ABI1: variants seen among roughly 807,000 people sequenced by gnomAD.
The protein encoded by ABI1 is Abelson interactor 1.
In ABI1, 14 loss-of-function variants were observed where a neutral mutation model predicts 54.6. The ratio of observed to expected loss-of-function variants is 0.26; its 90% CI spans 0.17 to 0.40. The LOEUF (loss-of-function observed/expected upper bound fraction) is 0.40, where lower values mean the gene tolerates loss of function less well. Ranked by LOEUF, ABI1 falls within the 10% of genes least tolerant of loss-of-function variation. ABI1 has a pLI of 1.00. For missense variants in ABI1, 443 were observed against 598.3 expected, an observed-to-expected ratio of 0.74 and a Z score of 2.71; for synonymous variants, 194 against 209.3, an observed-to-expected ratio of 0.93 and a Z score of 0.63.
At chr10:26,820,767 T>C (rs2047923330) in intron 2 of ABI1, among the ~76,000 whole-genome samples, 1 of 151,850 alleles carries the variant, frequency 6.6e-6, no homozygotes, top group Admixed American at 6.6e-5. Flanking sequence ...TTTGTATTTT[T>C]AGTAGAGACA....
intron 3 of ABI1, 162 bp downstream of exon 3, chr10:26,776,903 T>C (rs1397751695): frequency 1.5e-5 from 9 of 600,750 alleles, no homozygotes; most frequent in Admixed American, 7.3e-5. Flanking sequence ...ACTGATAAAA[T>C]TGCACCCCAA....
At chr10:26,847,588 T>C (rs1293586129) in intron 1 of ABI1, among the ~76,000 whole-genome samples, 1 of 151,726 alleles carries the variant, frequency 6.6e-6, no homozygotes, top group Non-Finnish European at 1.5e-5. Context: ...CGCACCACTG[T>C]ACTACAGCCT....
At chr10:26,775,747 T>C (rs1564482659) in intron 3 of ABI1, among the ~76,000 whole-genome samples, 1 of 152,150 alleles carries the variant, frequency 6.6e-6, no homozygotes, top group Non-Finnish European at 1.5e-5. Flanking sequence ...ATGGAGGATA[T>C]TCACTACTAA....
At chr10:26,760,199 T>G (rs1838950149) in intron 7 of ABI1, among the ~76,000 whole-genome samples, 1 of 152,206 alleles carries the variant, frequency 6.6e-6, no homozygotes, top group Non-Finnish European at 1.5e-5. Context: ...TTTCAAAAGT[T>G]TCATATTTAA....
At chr10:26,759,282 A>G (rs371490640) in intron 7 of ABI1, 44 bp from the exon 8 acceptor site, 10 of 1,586,180 alleles carry the variant, frequency 6.3e-6, no homozygotes, top group Non-Finnish European at 8.6e-6. Context: ...AGACTTGAGC[A>G]TTGTAATCAC....
intron 1 of ABI1, among the ~76,000 whole-genome samples, chr10:26,825,133 T>A (rs892279501): frequency 2.0e-5 from 3 of 152,094 alleles, no homozygotes; most frequent in Admixed American, 6.5e-5. Context: ...AAGACAACAA[T>A]GAAATTTGCT....
intron 2 of ABI1, among the ~76,000 whole-genome samples, chr10:26,779,576 T>C (rs934703796): frequency 2.6e-5 from 4 of 152,194 alleles, no homozygotes; most frequent in Non-Finnish European, 4.4e-5. Flanking sequence ...GGTGCAACCA[T>C]TGTAGGCAGA....
chr10:26,792,027 C>T (rs1049379525), intron 2 of ABI1, among the ~76,000 whole-genome samples: 1 of 152,068 alleles, frequency 6.6e-6, no homozygotes, highest in Admixed American at 6.6e-5. Context: ...CAGGATGAAT[C>T]CATTGTTATA....
At chr10:26,815,637 G>C (rs2047514682) in intron 2 of ABI1, among the ~76,000 whole-genome samples, 1 of 152,200 alleles carries the variant, frequency 6.6e-6, no homozygotes, top group Admixed American at 6.5e-5. Context: ...TTCAGGTGCA[G>C]TGGTTCACAC....
intron 2 of ABI1, among the ~76,000 whole-genome samples, chr10:26,808,619 A>T (rs1261608622): frequency 6.6e-6 from 1 of 151,990 alleles, no homozygotes; most frequent in South Asian, 2.1e-4. Context: ...GCTACTCAGG[A>T]GGCTGAGGCA....
chr10:26,809,229 C>T (rs868001051), intron 2 of ABI1, among the ~76,000 whole-genome samples: 19 of 149,914 alleles, frequency 1.3e-4, no homozygotes, highest in African/African-American at 3.9e-4. Context: ...GAGATTGTGC[C>T]ACTGCACTCC....
rs549863252 is a variant in ABI1 at position 26,781,229 on chromosome 10, AT to A, written c.286-3989del. 1.9e-4 allele frequency among the ~76,000 whole-genome samples: 29 copies of A among 152,362 alleles called. No homozygotes were observed. In the South Asian group the frequency reaches 4.6e-3, roughly 24 times the overall value. On this transcript the variant is annotated intron_variant, in intron 2 of 10. Coordinates refer to ENST00000376140, the MANE Select transcript of ABI1 (RefSeq NM_001012750.3). ...CTTTTGAAAAGATTCCCATTTGGGA[AT>A]GAGTCAACTCAAATGCAATGACTAA...
chr10:26,780,737 TG>T (rs1842001737), intron 2 of ABI1, among the ~76,000 whole-genome samples: 1 of 152,050 alleles, frequency 6.6e-6, no homozygotes. Context: ...TACATAACTT[TG>T]GGGAGAGCAC....
intron 1 of ABI1, among the ~76,000 whole-genome samples, chr10:26,858,564 CG>C: frequency 1.2e-5 from 1 of 86,480 alleles, no homozygotes; most frequent in East Asian, 3.3e-4. Flanking sequence ...AAAAAAAAAA[CG>C]GGGCCACTGA....
intron 2 of ABI1, among the ~76,000 whole-genome samples, chr10:26,813,231 A>AG (rs1032407252): frequency 4.6e-5 from 7 of 151,712 alleles, no homozygotes; most frequent in African/African-American, 1.7e-4. Context: ...CCTGGGCCAC[A>AG]GAGCAAGATT....
intron 2 of ABI1, among the ~76,000 whole-genome samples, chr10:26,811,699 T>C (rs1371482017): frequency 6.6e-6 from 1 of 151,910 alleles, no homozygotes; most frequent in Non-Finnish European, 1.5e-5. Flanking sequence ...TTTTAATCTA[T>C]TTCATGAAGA....
intron 1 of ABI1, among the ~76,000 whole-genome samples, chr10:26,854,039 A>T (rs1369327059): frequency 6.6e-6 from 1 of 152,214 alleles, no homozygotes; most frequent in African/African-American, 2.4e-5. Flanking sequence ...GTAAATGGTC[A>T]CACAGCAGAT....
intron 2 of ABI1, among the ~76,000 whole-genome samples, chr10:26,819,227 T>A (rs2047803712): frequency 6.6e-6 from 1 of 151,726 alleles, no homozygotes; most frequent in South Asian, 2.1e-4. Flanking sequence ...CCAAAAAAAA[T>A]TCACTCCATT....
intron 1 of ABI1, among the ~76,000 whole-genome samples, chr10:26,847,992 G>A (rs1489769798): frequency 5.3e-5 from 8 of 151,972 alleles, no homozygotes; most frequent in African/African-American, 1.9e-4. Context: ...GAGCTCAGGA[G>A]TTCAAGACCA....
Sources: allele counts gnomAD v4.1 joint callset (sites outside exome capture counted in the v4.1 genomes callset), GRCh38; gene constraint gnomAD v4.1.1; transcripts MANE v1.5; gene names NCBI Gene and HGNC (gene_info 2026-07-23, HGNC 2026-07-21).